Variants in CC2D2A observed in about 807,000 individuals in gnomAD.
The protein encoded by CC2D2A is coiled-coil and C2 domain containing 2A.
A neutral mutation model predicts 212.9 loss-of-function variants in CC2D2A; 155 were observed. The ratio of observed to expected loss-of-function variants is 0.73; its 90% confidence interval spans 0.64 to 0.83. The LOEUF is 0.83. Ranked by LOEUF, CC2D2A falls within the 40% of genes least tolerant of loss-of-function variation. The probability of loss-of-function intolerance (pLI) is 0.00; values close to 1 mark genes in which losing one functional copy is unlikely to be tolerated. For synonymous variants in CC2D2A, 667 were observed against 686.5 expected, an observed-to-expected ratio of 0.97 and a Z score of 0.44; for missense variants, 1,856 against 1,956.2, an observed-to-expected ratio of 0.95 and a Z score of 0.97.
chr4:15,550,843 A>T lies in CC2D2A; in HGVS notation c.2201A>T (p.His734Leu), dbSNP rs757790778. The T allele has an allele frequency of 2.5e-6, 4 of 1,576,342 alleles. No homozygotes were observed. Among genetic ancestry groups the T allele is most frequent in the Non-Finnish European group, 3.5e-6 (4 of 1,151,394 alleles). The part of the protein sequence containing the change: ...LTLQVYETVG[H>L]SSPTLLAEVF... ...TTTCAGGTCTATGAAACTGTCGGAC[A>T]CAGTAGTCCCACCTTGCTAGCAGAA... The change falls in exon 18 of 37, where the codon CAC becomes CTC. Residue 734 changes from histidine to leucine, a missense_variant. Physicochemically the swap from His to Leu is moderately conservative, Grantham distance 99. Coordinates refer to ENST00000424120, the MANE Select transcript of CC2D2A (RefSeq NM_001378615.1).
intron 32 of CC2D2A, among the ~76,000 whole-genome samples, chr4:15,588,891 AAAT>A (rs1720969107): frequency 6.6e-6 from 1 of 151,716 alleles, no homozygotes; most frequent in Non-Finnish European, 1.5e-5. Flanking sequence ...TAACAATAAT[AAAT>A]AAATAATAAT....
intron 13 of CC2D2A, among the ~76,000 whole-genome samples, chr4:15,531,635 T>C (rs1717853495): frequency 6.6e-6 from 1 of 152,136 alleles, no homozygotes; most frequent in African/African-American, 2.4e-5. Flanking sequence ...TAATCAAAAT[T>C]GCCTTTCCCT....
intron 7 of CC2D2A, among the ~76,000 whole-genome samples, chr4:15,510,549 T>C (rs1716514231): frequency 6.6e-6 from 1 of 152,214 alleles, no homozygotes; most frequent in African/African-American, 2.4e-5. Context: ...TGAGCCATGA[T>C]TGTGCCACTG....
At chr4:15,594,488 C>T (rs1200316792) in intron 33 of CC2D2A, among the ~76,000 whole-genome samples, 1 of 152,020 alleles carries the variant, frequency 6.6e-6, no homozygotes, top group East Asian at 1.9e-4. Context: ...ATCTGTGGGT[C>T]AACTGGGAGA....
chr4:15,509,272 T>C (rs974748429), intron 6 of CC2D2A, among the ~76,000 whole-genome samples: 4 of 133,226 alleles, frequency 3.0e-5, no homozygotes, highest in African/African-American at 1.0e-4. Context: ...TAGGATGAGA[T>C]AACACTTTTT....
In CC2D2A at chr4:15,527,628, G is replaced by A. The variant is rs761152992; in HGVS notation, c.1331G>A (p.Arg444Lys). ...GACCAGTACCTTGCAAGACACCAGAGAAACAAGGCGAAATTTCTTACTGAT... is the reference window on the plus strand; with the variant it reads ...GACCAGTACCTTGCAAGACACCAGAAAAACAAGGCGAAATTTCTTACTGAT... ...LYDQYLARHQ[R>K]NKAKFLTDKL... Residue 444 changes from arginine (R) to lysine (K), a missense_variant, in exon 12 of 37, where the codon AGA becomes AAA. Arg to Lys is a conservative substitution (Grantham distance 26). Around this residue, in one of 5 missense-constraint regions of CC2D2A, gnomAD observed 1,512 missense variants for 1,579.3 expected, o/e 0.96. Coordinates refer to ENST00000424120, the MANE Select transcript of CC2D2A (RefSeq NM_001378615.1). 6.2e-7 allele frequency: 1 copy of A among 1,609,696 alleles called. No homozygotes were observed. Among genetic ancestry groups the A allele is most frequent in the Admixed American group, 1.7e-5 (1 of 59,456 alleles).
intron 2 of CC2D2A, 96 bp from the exon 3 acceptor site, chr4:15,478,627 A>C: frequency 1.2e-6 from 1 of 846,230 alleles, no homozygotes; most frequent in Non-Finnish European, 1.9e-6. Flanking sequence ...TACTGGATAG[A>C]AGCCCAGGGT....
intron 4 of CC2D2A, among the ~76,000 whole-genome samples, chr4:15,500,097 G>GTATACATATA (rs1487111003): frequency 1.9e-5 from 1 of 53,022 alleles, no homozygotes; most frequent in African/African-American, 5.6e-5. Context: ...GTGTGTGTGT[G>GTATACATATA]TGTGTGTGTG....
chr4:15,485,683 T>A (rs1171691243), intron 4 of CC2D2A, among the ~76,000 whole-genome samples: 3 of 152,234 alleles, frequency 2.0e-5, no homozygotes, highest in Non-Finnish European at 4.4e-5. Context: ...GAGTAAGATA[T>A]CTCATTGTGG....
chr4:15,489,862 G>A (rs960028188), intron 4 of CC2D2A, among the ~76,000 whole-genome samples: 1 of 152,140 alleles, frequency 6.6e-6, no homozygotes, highest in African/African-American at 2.4e-5. Flanking sequence ...CACTTGCCTG[G>A]TTTTCCTTCT....
intron 36 of CC2D2A, among the ~76,000 whole-genome samples, chr4:15,600,518 G>A (rs1412837974): frequency 6.6e-6 from 1 of 152,126 alleles, no homozygotes; most frequent in East Asian, 1.9e-4. Flanking sequence ...AACATCACGT[G>A]CCATTATTCC....
At position 15,601,342 on chromosome 4, in the gene CC2D2A, G is replaced by C. The variant is rs1214214469; in HGVS notation, c.4780G>C (p.Ala1594Pro). The change falls in exon 37 of 37, where the codon GCT becomes CCT. Residue 1594 changes from alanine to proline, a missense_variant. Physicochemically the swap from Ala to Pro is conservative, Grantham distance 27. Around this residue, in one of 5 missense-constraint regions of CC2D2A, gnomAD observed 285 missense variants for 278.4 expected, o/e 1.02. Coordinates refer to ENST00000424120, the MANE Select transcript of CC2D2A (RefSeq NM_001378615.1). ...HNIDVPNVEF[A>P]LAVYIHPYPK... Reference sequence around the variant, plus strand: ...TATTGATGTTCCTAATGTTGAATTTGCTTTAGCTGTATACATACACCCATA... The same window carrying C: ...TATTGATGTTCCTAATGTTGAATTTCCTTTAGCTGTATACATACACCCATA... 2 of 1,609,710 alleles carry C rather than the reference G, an allele frequency of 1.2e-6. No homozygotes were observed. Among genetic ancestry groups the C allele is most frequent in the African/African-American group, 2.7e-5 (2 of 74,854 alleles).
chr4:15,501,103 C>T (rs965340335), intron 4 of CC2D2A, among the ~76,000 whole-genome samples: 4 of 152,136 alleles, frequency 2.6e-5, no homozygotes, highest in Admixed American at 6.6e-5. Flanking sequence ...TTCTCTATAG[C>T]GGGGTCCTCC....
At chr4:15,545,851 A>G (rs1006482235) in intron 17 of CC2D2A, among the ~76,000 whole-genome samples, 1 of 152,166 alleles carries the variant, frequency 6.6e-6, no homozygotes, top group African/African-American at 2.4e-5. Context: ...GCTCACACCT[A>G]TCATCCCAGC....
intron 16 of CC2D2A, among the ~76,000 whole-genome samples, chr4:15,539,668 ATT>A (rs750141325): frequency 7.2e-5 from 11 of 152,220 alleles, no homozygotes; most frequent in Non-Finnish European, 1.3e-4. Flanking sequence ...TAAGTAAGCA[ATT>A]TTCAAGGCAC....
intron 30 of CC2D2A, among the ~76,000 whole-genome samples, chr4:15,584,590 G>C (rs1229858238): frequency 6.6e-6 from 1 of 151,918 alleles, no homozygotes; most frequent in Non-Finnish European, 1.5e-5. Context: ...AATTTGGAGG[G>C]GATTTTTTTT....
chr4:15,514,403 C>T (rs540299820), intron 8 of CC2D2A, among the ~76,000 whole-genome samples: 85 of 152,288 alleles, frequency 5.6e-4, no homozygotes, highest in Middle Eastern at 6.8e-3. Flanking sequence ...TGGCAAGAAG[C>T]AAGCAGTCTC....
At position 15,550,839 on chromosome 4, in the gene CC2D2A, G is replaced by A. The variant is rs372259202; in HGVS notation, c.2197G>A (p.Gly733Arg). The stretch of plus-strand genomic sequence containing the variant: ...TGGTTTTCAGGTCTATGAAACTGTC[G>A]GACACAGTAGTCCCACCTTGCTAGC... ...SLTLQVYETVGHSSPTLLAEV... is the reference protein window; with the variant it reads ...SLTLQVYETVRHSSPTLLAEV... Residue 733 changes from glycine (G) to arginine (R), a missense_variant, in exon 18 of 37, where the codon GGA becomes AGA. By Grantham distance (125) the Gly-to-Arg change is moderately radical. Coordinates refer to ENST00000424120, the MANE Select transcript of CC2D2A (RefSeq NM_001378615.1). The A allele has an allele frequency of 7.8e-5, 122 of 1,570,426 alleles. 1 individual carries two copies. The highest frequency in any genetic ancestry group is 7.5e-4 in the East Asian group (33 of 44,036).
intron 7 of CC2D2A, among the ~76,000 whole-genome samples, chr4:15,511,033 CTAAT>C (rs1329673205): frequency 6.6e-6 from 1 of 152,128 alleles, no homozygotes; most frequent in African/African-American, 2.4e-5. Context: ...TTTAAAGTCA[CTAAT>C]TAGAGTTACT....
Sources: allele counts gnomAD v4.1 joint callset (sites outside exome capture counted in the v4.1 genomes callset), GRCh38; gene constraint gnomAD v4.1.1; regional missense constraint gnomAD v4.1.1; transcripts MANE v1.5; gene names NCBI Gene and HGNC (gene_info 2026-07-23, HGNC 2026-07-21).